DUSP28: variants seen among roughly 807,000 people sequenced by gnomAD.
The protein encoded by DUSP28 is dual specificity phosphatase 28.
A neutral mutation model predicts 8.4 loss-of-function variants in DUSP28; 11 were observed. The ratio of observed to expected loss-of-function variants is 1.31; its 90% CI spans 0.83 to 2.17. The LOEUF is 2.17. Among genes scored for constraint, DUSP28 ranks in the 30% most tolerant of loss-of-function variants. DUSP28 has a pLI of 0.00. For missense variants in DUSP28, 373 were observed against 270.4 expected (o/e 1.38, Z -2.66); for synonymous variants, 178 against 130.9 (o/e 1.36, Z -2.46).
rs754428063 is a variant in DUSP28, at chr2:240,561,092, AG to A, written c.393+21del. The A allele has an allele frequency of 2.7e-5, 39 of 1,465,832 alleles. 1 individual carries two copies. The highest frequency in any genetic ancestry group is 2.6e-4 in the South Asian group (19 of 73,354). 90.8% of individuals were successfully genotyped at this position (1,465,832 alleles called of 1,614,324 possible). A position where few individuals can be genotyped will look rare whatever the true frequency, so the allele number is the denominator to read the frequency against. Reference sequence around the variant, plus strand: ...AGGCCTTCCAGGTGGGCGGGCCTTTAGGGGGGCGGTGTTTCGAGAGGGGCGT... The same window carrying A: ...AGGCCTTCCAGGTGGGCGGGCCTTTAGGGGGCGGTGTTTCGAGAGGGGCGT... On this transcript the variant is annotated intron_variant, in intron 1 of 1. Transcript: ENST00000405954.
rs907902179 is a variant in DUSP28, at chr2:240,561,019, C to T, written c.335C>T (p.Ala112Val). ...AAGAACGGCCGCAGCCGCTCGGCCG[C>T]CGTCTGCACCGCGTACCTCATGCGG... is the stretch of plus-strand genomic sequence containing the variant. ...YCKNGRSRSA[A>V]VCTAYLMRHR... Residue 112 changes from alanine to valine, a missense_variant, in exon 1 of 2, where the codon GCC (alanine) becomes GTC (valine). By Grantham distance (64) the Ala-to-Val change is moderately conservative. Coordinates refer to ENST00000405954, the MANE Select transcript of DUSP28 (RefSeq NM_001370465.2). 6.5e-7 allele frequency: 1 copy of T among 1,530,872 alleles called. No homozygotes were observed. Among genetic ancestry groups the T allele is most frequent in the Non-Finnish European group, 8.7e-7 (1 of 1,151,070 alleles). 94.8% of individuals were successfully genotyped at this position (1,530,872 alleles called of 1,614,324 possible).
rs923832329 is a variant in DUSP28 at position 240,561,713 on chromosome 2, T to A, written c.*246T>A. ...AAGCAAATAGGGATCCTCCATTATT[T>A]ACACTCCAGAATCTTGAGTGTTTGG... On this transcript the variant is annotated 3_prime_UTR_variant, in exon 2 of 2. Transcript: ENST00000405954. 1.5e-5 allele frequency: 8 copies of A among 519,316 alleles called. No homozygotes were observed. Among genetic ancestry groups the A allele is most frequent in the African/African-American group, 1.4e-4 (7 of 51,556 alleles). The allele number at this position is 519,316 out of a possible 1,614,324, so 32.2% of individuals were successfully genotyped here. A position where few individuals can be genotyped will look rare whatever the true frequency, so the allele number is the denominator to read the frequency against.
chr2:240,561,032 G>C lies in DUSP28; in HGVS notation c.348G>C (p.Ala116=), dbSNP rs780978886. Residue 116 remains alanine (A), a synonymous_variant, in exon 1 of 2, where the codon GCG becomes GCC. Coordinates refer to ENST00000405954, the MANE Select transcript of DUSP28 (RefSeq NM_001370465.2). ...GRSRSAAVCT[A]YLMRHRGLSL... ...GCCGCTCGGCCGCCGTCTGCACCGC[G>C]TACCTCATGCGGCACCGCGGCCTCA... is the stretch of plus-strand genomic sequence containing the variant. 5 of 1,533,260 alleles carry C rather than the reference G, an allele frequency of 3.3e-6. No homozygotes were observed. Among genetic ancestry groups the C allele is most frequent in the Admixed American group, 2.1e-5 (1 of 48,200 alleles). 95.0% of individuals were successfully genotyped at this position (1,533,260 alleles called of 1,614,324 possible). A position where few individuals can be genotyped will look rare whatever the true frequency, so the allele number is the denominator to read the frequency against.
Position 240,560,409 on chromosome 2 carries a change from G to A in DUSP28, c.-276G>A. The A allele has an allele frequency of 3.0e-6, 1 of 334,866 alleles. No homozygotes were observed. The highest frequency in any genetic ancestry group is 5.2e-6 in the Non-Finnish European group (1 of 192,290). The allele number at this position is 334,866 out of a possible 1,614,324, so 20.7% of individuals were successfully genotyped here. Reference sequence around the variant, plus strand: ...GCGGGGGCGGGGAGGACGGCGCCCGGGGACAGAGAACATGGGACGCAGAGC... The same window carrying A: ...GCGGGGGCGGGGAGGACGGCGCCCGAGGACAGAGAACATGGGACGCAGAGC... On this transcript the variant is annotated 5_prime_UTR_variant, in exon 1 of 2. Coordinates refer to ENST00000405954, the MANE Select transcript of DUSP28 (RefSeq NM_001370465.2).
Position 240,561,474 on chromosome 2 carries a change from A to G in DUSP28, c.*7A>G, listed in dbSNP as rs1365784483. 1.2e-6 allele frequency: 2 copies of G among 1,611,366 alleles called. No individual in the cohort carries two copies. The highest frequency in any genetic ancestry group is 1.7e-6 in the Non-Finnish European group (2 of 1,178,948). On this transcript the variant is annotated 3_prime_UTR_variant, in exon 2 of 2. Coordinates refer to ENST00000405954, the MANE Select transcript of DUSP28 (RefSeq NM_001370465.2). ...GTTGGGCCCTGAGGCTTGAAGCTTG[A>G]AGGCCTGCTGCCTGGAGGAAGGATG... is the stretch of plus-strand genomic sequence containing the variant.
Position 240,560,734 on chromosome 2 carries a change from C to A in DUSP28, c.50C>A (p.Pro17Gln). The change falls in exon 1 of 2, where the codon CCA (proline) becomes CAA (glutamine). Residue 17 changes from proline to glutamine, a missense_variant. By Grantham distance (76) the Pro-to-Gln change is moderately conservative (BLOSUM62 -1). Coordinates refer to ENST00000405954, the MANE Select transcript of DUSP28 (RefSeq NM_001370465.2). ...CGCGGGGCCGCCTCGCCCGTACCTC[C>A]ACCGTTGGTGCGCGTCGCGCCCTCA... Reference protein sequence around the residue: ...GRRGAASPVPPPLVRVAPSLF... With the variant: ...GRRGAASPVPQPLVRVAPSLF... 1 of 1,520,328 alleles carries A rather than the reference C, an allele frequency of 6.6e-7. No individual in the cohort carries two copies. Among genetic ancestry groups the A allele is most frequent in the Non-Finnish European group, 8.7e-7 (1 of 1,146,024 alleles). The allele number at this position is 1,520,328 out of a possible 1,614,324, so 94.2% of individuals were successfully genotyped here.
Position 240,560,528 on chromosome 2 carries a change from C to T in DUSP28, c.-157C>T. 1.8e-6 allele frequency: 2 copies of T among 1,138,132 alleles called. No individual in the cohort carries two copies. Among genetic ancestry groups the T allele is most frequent in the Non-Finnish European group, 2.3e-6 (2 of 884,926 alleles). 70.5% of individuals were successfully genotyped at this position (1,138,132 alleles called of 1,614,324 possible). A position where few individuals can be genotyped will look rare whatever the true frequency, so the allele number is the denominator to read the frequency against. ...GCCCCCTGTCCCGGCCCAGCGCCCG[C>T]GGGGGACCCAAGCCCCAGCCTGGTC... On this transcript the variant is annotated 5_prime_UTR_variant, in exon 1 of 2. Coordinates refer to ENST00000405954, the MANE Select transcript of DUSP28 (RefSeq NM_001370465.2).
chr2:240,561,238 TG>T, intron 1 of DUSP28, 91 bp from the exon 2 acceptor site: 1 of 1,591,644 alleles, frequency 6.3e-7, no homozygotes, highest in Admixed American at 1.8e-5. Flanking sequence ...ACTTCCGGGT[TG>T]GGCGGGGCCC....
chr2:240,561,106 T>C (rs1346987176), intron 1 of DUSP28, 29 bp downstream of exon 1: 3 of 1,461,690 alleles, frequency 2.1e-6, no homozygotes, highest in African/African-American at 2.8e-5. Flanking sequence ...GGGCGGTGTT[T>C]CGAGAGGGGC....
chr2:240,560,888 GC>G lies in DUSP28; in HGVS notation c.207del (p.Val70CysfsTer31). Reference sequence around the variant, plus strand: ...CGCCCGGCGTGGCAGAGCTGCGCGTGCCCGTGTTCGACGACCCGGCTGAGGA... The same window carrying G: ...CGCCCGGCGTGGCAGAGCTGCGCGTGCCGTGTTCGACGACCCGGCTGAGGA... The part of the protein sequence containing the change: ...RAPGVAELRV[P>X]VFDDPAEDLL... On this transcript the variant is annotated frameshift_variant, in exon 1 of 2. Coordinates refer to ENST00000405954, the MANE Select transcript of DUSP28 (RefSeq NM_001370465.2). LOFTEE classifies it high-confidence loss of function. 1 of 1,514,058 alleles carries G rather than the reference GC, an allele frequency of 6.6e-7. No homozygotes were observed. Among genetic ancestry groups the G allele is most frequent in the Non-Finnish European group, 8.7e-7 (1 of 1,144,750 alleles). 93.8% of individuals were successfully genotyped at this position (1,514,058 alleles called of 1,614,324 possible).
chr2:240,561,870 G>C lies in DUSP28; in HGVS notation c.*403G>C, dbSNP rs764197989. 6.3e-6 allele frequency: 1 copy of C among 157,748 alleles called. No homozygotes were observed. Among genetic ancestry groups the C allele is most frequent in the Admixed American group, 6.5e-5 (1 of 15,460 alleles). 9.8% of individuals were successfully genotyped at this position (157,748 alleles called of 1,614,324 possible). A position where few individuals can be genotyped will look rare whatever the true frequency, so the allele number is the denominator to read the frequency against. On this transcript the variant is annotated 3_prime_UTR_variant, in exon 2 of 2. Coordinates refer to ENST00000405954, the MANE Select transcript of DUSP28 (RefSeq NM_001370465.2). ...TATTTTTAGTAGTGTCATAAGAACG[G>C]ACTAGTTCTTCCTGCGTGACCACGG...
chr2:240,563,204 ATT>A lies in DUSP28; in HGVS notation c.*1739_*1740del, dbSNP rs2092991691. ...CAACTATGCCAGTGATCCACTGAGC[ATT>A]TCTTTTTTTTTTTTCTTGAGACGGA... is the stretch of plus-strand genomic sequence containing the variant. On this transcript the variant is annotated 3_prime_UTR_variant, in exon 2 of 2. Transcript: ENST00000405954. 1 of 151,086 alleles carries A rather than the reference ATT, an allele frequency of 6.6e-6. No homozygotes were observed. The highest frequency in any genetic ancestry group is 2.4e-5 in the African/African-American group (1 of 41,106). The allele number at this position is 151,086 out of a possible 1,614,324, so 9.4% of individuals were successfully genotyped here.
chr2:240,564,799 G>A lies in DUSP28; in HGVS notation c.*3332G>A, dbSNP rs188467088. On this transcript the variant is annotated 3_prime_UTR_variant, in exon 2 of 2. Coordinates refer to ENST00000405954, the MANE Select transcript of DUSP28 (RefSeq NM_001370465.2). ...CTCTCACTGGTCTCATCTGGGCACC[G>A]AACATGGGAAGCCCCTCCTGTGACA... 7.9e-5 allele frequency among the ~76,000 whole-genome samples: 12 copies of A among 152,310 alleles called. No individual in the cohort carries two copies. The highest frequency in any genetic ancestry group is 4.1e-4 in the South Asian group (2 of 4,830).
At position 240,560,626 on chromosome 2, in the gene DUSP28, G is replaced by A; in HGVS notation, c.-59G>A. 1.4e-6 allele frequency: 2 copies of A among 1,408,224 alleles called. No homozygotes were observed. The highest frequency in any genetic ancestry group is 1.8e-6 in the Non-Finnish European group (2 of 1,088,884). The allele number at this position is 1,408,224 out of a possible 1,614,324, so 87.2% of individuals were successfully genotyped here. On this transcript the variant is annotated 5_prime_UTR_variant, in exon 1 of 2. Coordinates refer to ENST00000405954, the MANE Select transcript of DUSP28 (RefSeq NM_001370465.2). The stretch of plus-strand genomic sequence containing the variant: ...CTCCCACAAATAGACTCCTGGGCGG[G>A]CGCCTGAGCCCCCAAAATAGATCCT...
Position 240,562,766 on chromosome 2 carries a change from A to ACC in DUSP28, c.*1299_*1300insCC, listed in dbSNP as rs2092987794. 1 of 152,270 alleles carries ACC rather than the reference A, an allele frequency of 6.6e-6. No homozygotes were observed. The highest frequency in any genetic ancestry group is 6.5e-5 in the Admixed American group (1 of 15,280). The allele number at this position is 152,270 out of a possible 1,614,324, so 9.4% of individuals were successfully genotyped here. The stretch of plus-strand genomic sequence containing the variant: ...CATTGCAAGTGAGGGTTCCCATTTT[A>ACC]TCAGAAAATAGAAATTTTACCTGCC... On this transcript the variant is annotated 3_prime_UTR_variant, in exon 2 of 2. Coordinates refer to ENST00000405954, the MANE Select transcript of DUSP28 (RefSeq NM_001370465.2).
intron 1 of DUSP28, 77 bp from the exon 2 acceptor site, chr2:240,561,253 C>G: frequency 1.2e-6 from 2 of 1,606,108 alleles, no homozygotes; most frequent in African/African-American, 1.3e-5. Context: ...GGGGCCCACT[C>G]TTACAGCTGG....
At position 240,561,344 on chromosome 2, in the gene DUSP28, T is replaced by C. The variant is rs1364260980; in HGVS notation, c.408T>C (p.Ala136=). Reference sequence around the variant, plus strand: ...CTTGTTTGCAGATGGTGAAGAGCGCTCGCCCGGTAGCAGAACCGAACCCGG... The same window carrying C: ...CTTGTTTGCAGATGGTGAAGAGCGCCCGCCCGGTAGCAGAACCGAACCCGG... The part of the protein sequence containing the change: ...LAKAFQMVKS[A]RPVAEPNPGF... Residue 136 remains alanine, a synonymous_variant, in exon 2 of 2, where the codon GCT becomes GCC. Transcript: ENST00000405954. 14 of 1,613,694 alleles carry C rather than the reference T, an allele frequency of 8.7e-6. No individual in the cohort carries two copies. The highest frequency in any genetic ancestry group is 8.0e-5 in the African/African-American group (6 of 74,910).
rs756146137 is a variant in DUSP28, at chr2:240,561,083, C to T, written c.393+6C>T. The T allele has an allele frequency of 6.8e-7, 1 of 1,477,988 alleles. No homozygotes were observed. The allele number at this position is 1,477,988 out of a possible 1,614,324, so 91.6% of individuals were successfully genotyped here. A position where few individuals can be genotyped will look rare whatever the true frequency, so the allele number is the denominator to read the frequency against. ...GCCTGGCGAAGGCCTTCCAGGTGGG[C>T]GGGCCTTTAGGGGGGCGGTGTTTCG... On this transcript the variant is annotated splice_donor_region_variant and intron_variant, in intron 1 of 1. Coordinates refer to ENST00000405954, the MANE Select transcript of DUSP28 (RefSeq NM_001370465.2).
rs1323205049 is a variant in DUSP28, at chr2:240,563,538, CA to C, written c.*2073del. 6.6e-6 allele frequency: 1 copy of C among 152,360 alleles called. No individual in the cohort carries two copies. The highest frequency in any genetic ancestry group is 1.5e-5 in the Non-Finnish European group (1 of 68,078). 9.4% of individuals were successfully genotyped at this position (152,360 alleles called of 1,614,324 possible). ...CATTTCTAAGCTGTGTATCTCTTAACAAGACCCAGTCAGGCCCTATTGGAAC... is the reference window on the plus strand; with the variant it reads ...CATTTCTAAGCTGTGTATCTCTTAACAGACCCAGTCAGGCCCTATTGGAAC... On this transcript the variant is annotated 3_prime_UTR_variant, in exon 2 of 2. Coordinates refer to ENST00000405954, the MANE Select transcript of DUSP28 (RefSeq NM_001370465.2).
Sources: gnomAD v4.1 joint callset for allele counts (sites outside exome capture counted in the v4.1 genomes callset) on GRCh38, gnomAD v4.1.1 for gene constraint, MANE v1.5 for transcripts, NCBI Gene and HGNC (gene_info 2026-07-23, HGNC 2026-07-21) for gene names.